Variants in ADAT1 observed in about 807,000 individuals in gnomAD.
ADAT1 encodes the protein adenosine deaminase tRNA specific 1.
A neutral mutation model predicts 58.6 loss-of-function variants in ADAT1; 58 were observed. The ratio of observed to expected loss-of-function variants is 0.99; its 90% CI spans 0.80 to 1.23. The LOEUF (loss-of-function observed/expected upper bound fraction) is 1.23, where lower values mean the gene tolerates loss of function less well. ADAT1 is among the 50% of genes most tolerant of loss of function. The probability of loss-of-function intolerance (pLI) is 0.00; values close to 1 mark genes in which losing one functional copy is unlikely to be tolerated. For missense variants in ADAT1, 741 were observed against 608.6 expected (o/e 1.22, Z -2.29); for synonymous variants, 254 against 220.8 (o/e 1.15, Z -1.33).
In ADAT1 at chr16:75,598,276, A is replaced by G; in HGVS notation, c.*1940T>C. ...ATTTTTAGTAGAAAGGGGCTTCACC[A>G]TGTTGGCCAGGATGGTCTTGATCTC... On this transcript the variant is annotated 3_prime_UTR_variant, in exon 10 of 10. Coordinates refer to ENST00000564657, the MANE Select transcript of ADAT1 (RefSeq NM_001324445.2). 2.9e-6 allele frequency: 1 copy of G among 350,256 alleles called. No individual in the cohort carries two copies. The highest frequency in any genetic ancestry group is 2.0e-5 in the South Asian group (1 of 49,186). 21.7% of individuals were successfully genotyped at this position (350,256 alleles called of 1,614,324 possible).
At chr16:75,617,375 G>C in intron 4 of ADAT1, 103 bp from the exon 5 acceptor site, 1 of 1,264,098 alleles carries the variant, frequency 7.9e-7, no homozygotes, top group South Asian at 1.5e-5. Context: ...AGACTAATGG[G>C]ACTGGTAGTG....
Position 75,620,566 on chromosome 16 carries a change from G to A in ADAT1, c.169+65C>T, listed in dbSNP as rs555689871. On this transcript the variant is annotated intron_variant, in intron 2 of 9. Transcript: ENST00000564657. ...CCCTACCCACGACTGTACCCTCACA[G>A]TACAGCAATGCATAATTTTACCATC... The A allele has an allele frequency of 1.3e-4, 211 of 1,576,688 alleles. 1 individual carries two copies. In the African/African-American group the frequency reaches 2.7e-3, roughly 20 times the overall value.
intron 8 of ADAT1, among the ~76,000 whole-genome samples, chr16:75,604,887 A>G (rs1190041516): frequency 6.6e-6 from 1 of 152,180 alleles, no homozygotes; most frequent in African/African-American, 2.4e-5. Flanking sequence ...CACTACAGTT[A>G]ACCCTTGGAC....
chr16:75,612,810 C>T lies in ADAT1; in HGVS notation c.476G>A (p.Cys159Tyr). The T allele has an allele frequency of 6.2e-7, 1 of 1,614,020 alleles. No individual in the cohort carries two copies. Among genetic ancestry groups the T allele is most frequent in the African/African-American group, 1.3e-5 (1 of 74,994 alleles). The change falls in exon 6 of 10, where the codon TGT (cysteine) becomes TAT (tyrosine). Residue 159 changes from cysteine (C) to tyrosine (Y), a missense_variant. Coordinates refer to ENST00000564657, the MANE Select transcript of ADAT1 (RefSeq NM_001324445.2). ...GTGGGCCCAATTTCTGAAGACAGGA[C>T]AGCAAGGCTGATCTTCAAACTCAAG... ...PMLEFEDQPC[C>Y]PVFRNWAHNS...
At position 75,612,816 on chromosome 16, in the gene ADAT1, G is replaced by A; in HGVS notation, c.470C>T (p.Pro157Leu). Reference protein sequence around the residue: ...IIPMLEFEDQPCCPVFRNWAH... With the variant: ...IIPMLEFEDQLCCPVFRNWAH... ...CCAATTTCTGAAGACAGGACAGCAA[G>A]GCTGATCTTCAAACTCAAGCATCGG... The change falls in exon 6 of 10, where the codon CCT becomes CTT. Residue 157 changes from proline (P) to leucine (L), a missense_variant. Transcript: ENST00000564657. 6.2e-7 allele frequency: 1 copy of A among 1,613,982 alleles called. No homozygotes were observed. The highest frequency in any genetic ancestry group is 8.5e-7 in the Non-Finnish European group (1 of 1,180,010).
rs1235427677 is a variant in ADAT1 at position 75,599,379 on chromosome 16, G to A, written c.*837C>T. On this transcript the variant is annotated 3_prime_UTR_variant, in exon 10 of 10. Coordinates refer to ENST00000564657, the MANE Select transcript of ADAT1 (RefSeq NM_001324445.2). ...TTACAGGCCTGAGCCACCAAGCCTGGCCACCTTTTGGCTTTTTGGACAGAA... is the reference window on the plus strand; with the variant it reads ...TTACAGGCCTGAGCCACCAAGCCTGACCACCTTTTGGCTTTTTGGACAGAA... The A allele has an allele frequency of 3.0e-6, 3 of 985,678 alleles. No homozygotes were observed. Among genetic ancestry groups the A allele is most frequent in the Non-Finnish European group, 3.6e-6 (3 of 829,950 alleles). 61.1% of individuals were successfully genotyped at this position (985,678 alleles called of 1,614,324 possible).
intron 8 of ADAT1, among the ~76,000 whole-genome samples, chr16:75,603,408 A>T (rs74027438): frequency 0.15 from 23,168 of 152,176 alleles, 3,352 homozygotes; most frequent in East Asian, 0.73. Flanking sequence ...TAACAAGCCC[A>T]AACGGGTACC....
At chr16:75,608,074 G>A in intron 8 of ADAT1, 150 bp downstream of exon 8, 1 of 636,416 alleles carries the variant, frequency 1.6e-6, no homozygotes, top group Non-Finnish European at 2.8e-6. Context: ...GTAAATTAGA[G>A]GTTTCCAAGG....
chr16:75,613,803 C>G (rs1045174672), intron 5 of ADAT1, among the ~76,000 whole-genome samples: 3 of 152,204 alleles, frequency 2.0e-5, no homozygotes, highest in Non-Finnish European at 4.4e-5. Flanking sequence ...CTGAGAACCA[C>G]TGGCTTAGAA....
In ADAT1 at chr16:75,612,608, G is replaced by C. The variant is rs2081579782; in HGVS notation, c.678C>G (p.Ile226Met). 24 of 1,614,004 alleles carry C rather than the reference G, an allele frequency of 1.5e-5. No homozygotes were observed. Among genetic ancestry groups the C allele is most frequent in the Non-Finnish European group, 1.9e-5 (22 of 1,180,044 alleles). ...GATCACAGCTGTGGATGCCTGGTGA[G>C]ATTGGGCCACTTTTCTGCTTGCCAA... ...QSFGKQKSGP[I>M]SPGIHSCDLT... The change falls in exon 6 of 10, where the codon ATC becomes ATG. Residue 226 changes from isoleucine (I) to methionine (M), a missense_variant. By Grantham distance (10) the Ile-to-Met change is conservative. Transcript: ENST00000564657.
chr16:75,621,878 G>C (rs1033194116), intron 1 of ADAT1, among the ~76,000 whole-genome samples: 12 of 152,208 alleles, frequency 7.9e-5, no homozygotes, highest in African/African-American at 2.9e-4. Context: ...GCTTGTGATA[G>C]ACATAGCTAA....
At chr16:75,610,669 G>A (rs2081504533) in intron 6 of ADAT1, among the ~76,000 whole-genome samples, 1 of 152,170 alleles carries the variant, frequency 6.6e-6, no homozygotes, top group Non-Finnish European at 1.5e-5. Context: ...CATATCTTGA[G>A]GCTTCACATT....
chr16:75,608,803 G>C, intron 7 of ADAT1, 40 bp downstream of exon 7: 1 of 1,590,508 alleles, frequency 6.3e-7, no homozygotes, highest in Non-Finnish European at 8.5e-7. Flanking sequence ...TCAGTCAGGG[G>C]AGCAGTTACT....
intron 6 of ADAT1, among the ~76,000 whole-genome samples, chr16:75,611,971 T>A (rs1369523406): frequency 1.3e-5 from 2 of 151,866 alleles, no homozygotes; most frequent in Non-Finnish European, 2.9e-5. Context: ...GGCAGGAGAA[T>A]CACTTGAACC....
At chr16:75,619,893 C>CAAA (rs750598792) in intron 3 of ADAT1, 525 of 98,318 alleles carry the variant, frequency 5.3e-3, no homozygotes, top group South Asian at 0.012. Context: ...GACTCCGAGT[C>CAAA]AAAAAAAAAA....
In ADAT1 at chr16:75,620,795, C is replaced by T; in HGVS notation, c.5G>A (p.Trp2Ter). 6.2e-7 allele frequency: 1 copy of T among 1,612,186 alleles called. No individual in the cohort carries two copies. The highest frequency in any genetic ancestry group is 8.5e-7 in the Non-Finnish European group (1 of 1,178,520). The change falls in exon 2 of 10, where the codon TGG (tryptophan) becomes TAG (stop). Residue 2 changes from tryptophan (W) to a stop codon, truncating the protein, a stop_gained. Transcript: ENST00000564657. LOFTEE classifies it high-confidence loss of function. M[W>*]TADEIAQLCY... The stretch of plus-strand genomic sequence containing the variant: ...TAGCTGAGCAATCTCATCCGCGGTC[C>T]ACATGGTCTGAGCTGGTATTGAGAC...
chr16:75,605,280 G>A (rs146209257), intron 8 of ADAT1, among the ~76,000 whole-genome samples: 1,996 of 152,010 alleles, frequency 0.013, 51 homozygotes, highest in African/African-American at 0.045. Flanking sequence ...TAGTAGAGAC[G>A]GTTTCGCCAT....
At chr16:75,620,413 T>C in intron 2 of ADAT1, 79 bp from the exon 3 acceptor site, 3 of 1,506,422 alleles carry the variant, frequency 2.0e-6, no homozygotes, top group Non-Finnish European at 2.8e-6. Flanking sequence ...GCCTGCACAC[T>C]CCTCTAGGGG....
intron 8 of ADAT1, among the ~76,000 whole-genome samples, chr16:75,603,723 T>A (rs1018839296): frequency 1.3e-5 from 2 of 152,206 alleles, no homozygotes; most frequent in African/African-American, 4.8e-5. Context: ...GTTGACTACT[T>A]TATAAGCCCA....
Sources: gnomAD v4.1 joint callset for allele counts (sites outside exome capture counted in the v4.1 genomes callset) on GRCh38, gnomAD v4.1.1 for gene constraint, MANE v1.5 for transcripts, NCBI Gene and HGNC (gene_info 2026-07-23, HGNC 2026-07-21) for gene names.